TMEM51: variants seen among roughly 807,000 people sequenced by gnomAD.
TMEM51 encodes chromosome 1 open reading frame 72.
A neutral mutation model predicts 13.6 loss-of-function variants in TMEM51; 8 were observed. The ratio of observed to expected loss-of-function variants is 0.59; its 90% CI spans 0.35 to 1.07. The LOEUF is 1.07. Among genes scored for constraint, TMEM51 ranks in the 50% least tolerant of loss-of-function variants. TMEM51 has a pLI of 0.02. For missense variants in TMEM51, 279 were observed against 330.7 expected (o/e 0.84, Z 1.21); for synonymous variants, 147 against 144.4 (o/e 1.02, Z -0.13).
At chr1:15,203,404 G>C (rs541986704) in intron 1 of TMEM51, among the ~76,000 whole-genome samples, 85 of 151,188 alleles carry the variant, frequency 5.6e-4, no homozygotes, top group African/African-American at 2.0e-3. Flanking sequence ...ACAGGCGTGC[G>C]CCACCCCTCC....
intron 1 of TMEM51, among the ~76,000 whole-genome samples, chr1:15,157,918 G>A (rs1264243318): frequency 6.6e-6 from 1 of 152,136 alleles, no homozygotes; most frequent in East Asian, 1.9e-4. Context: ...TTTTATTCAG[G>A]TTTTTGTTTG....
In TMEM51 at chr1:15,161,704, C is replaced by A. The variant is rs1002102857; in HGVS notation, c.-267+7750C>A. ...CGGTAATCCCAGCACTTTGGGAAACCGAGGCAGGCAGATCACGAGATCGAG... is the reference window on the plus strand; with the variant it reads ...CGGTAATCCCAGCACTTTGGGAAACAGAGGCAGGCAGATCACGAGATCGAG... On this transcript the variant is annotated intron_variant, in intron 1 of 3. Transcript: ENST00000376008. The surrounding 1 kb of genome is among the most constrained non-coding windows in gnomAD (Gnocchi z 4.0). Among the ~76,000 whole-genome samples, 1 of 151,766 alleles carries A rather than the reference C, an allele frequency of 6.6e-6. No homozygotes were observed. The highest frequency in any genetic ancestry group is 6.6e-5 in the Admixed American group (1 of 15,254).
At chr1:15,162,046 GAGA>G (rs79352633) in intron 1 of TMEM51, among the ~76,000 whole-genome samples, 32,638 of 151,924 alleles carry the variant, frequency 0.21, 3,692 homozygotes, top group East Asian at 0.31. Context: ...GAGAAGAGGA[GAGA>G]AGGAGTGGGG....
chr1:15,204,727 T>G (rs906263360), intron 1 of TMEM51, among the ~76,000 whole-genome samples: 2 of 152,096 alleles, frequency 1.3e-5, no homozygotes, highest in Non-Finnish European at 2.9e-5. Flanking sequence ...TGGACAGAGG[T>G]GGGGATGACA....
Position 15,161,195 on chromosome 1 carries a change from A to G in TMEM51, c.-267+7241A>G, listed in dbSNP as rs772009030. ...AAGGCAGAGGTGGAAAAAGTATTTT[A>G]TATAGTTTCTTCTTAAAAGTCATTT... On this transcript the variant is annotated intron_variant, in intron 1 of 3. Transcript: ENST00000376008. This position sits in a 1 kb window ranked among gnomAD's most constrained non-coding sequence, Gnocchi z 4.0. Among the ~76,000 whole-genome samples the G allele has an allele frequency of 2.4e-4, 36 of 152,064 alleles. No homozygotes were observed. The highest frequency in any genetic ancestry group is 4.6e-4 in the Non-Finnish European group (31 of 68,032).
chr1:15,186,979 T>A (rs1643797952), intron 1 of TMEM51, among the ~76,000 whole-genome samples: 1 of 152,120 alleles, frequency 6.6e-6, no homozygotes, highest in Non-Finnish European at 1.5e-5. Flanking sequence ...GAATGCGAGG[T>A]GGCCAGCATG....
chr1:15,181,456 T>G (rs4661594), intron 1 of TMEM51, among the ~76,000 whole-genome samples: 65,993 of 152,050 alleles, frequency 0.43, 15,253 homozygotes, highest in East Asian at 0.87. Context: ...CCAGGGACTC[T>G]TAAGCGCTCA....
chr1:15,209,920 A>C (rs895900108), intron 1 of TMEM51, among the ~76,000 whole-genome samples: 10 of 152,122 alleles, frequency 6.6e-5, no homozygotes, highest in African/African-American at 2.4e-4. Context: ...AGTCCCAGCT[A>C]CTTGGGAAGC....
chr1:15,167,573 G>A (rs1472302650), intron 1 of TMEM51, among the ~76,000 whole-genome samples: 1 of 152,120 alleles, frequency 6.6e-6, no homozygotes, highest in East Asian at 1.9e-4. Context: ...TATTGGGTTT[G>A]TATGTGAGTG....
At chr1:15,208,762 A>AC (rs1472198513) in intron 1 of TMEM51, among the ~76,000 whole-genome samples, 3 of 152,058 alleles carry the variant, frequency 2.0e-5, no homozygotes, top group African/African-American at 7.2e-5. Context: ...CAGAAAGGAA[A>AC]CCACTGAGGG....
At chr1:15,181,454 T>C (rs192211655) in intron 1 of TMEM51, among the ~76,000 whole-genome samples, 3 of 152,316 alleles carry the variant, frequency 2.0e-5, no homozygotes, top group Admixed American at 2.0e-4. Flanking sequence ...ATCCAGGGAC[T>C]CTTAAGCGCT....
At chr1:15,215,957 A>G (rs1232681318) in intron 3 of TMEM51, among the ~76,000 whole-genome samples, 1 of 151,992 alleles carries the variant, frequency 6.6e-6, no homozygotes, top group East Asian at 1.9e-4. Flanking sequence ...AACCCAGGGG[A>G]GTGGAGATTG....
chr1:15,156,463 T>C (rs1274859482), intron 1 of TMEM51, among the ~76,000 whole-genome samples: 3 of 152,206 alleles, frequency 2.0e-5, no homozygotes, highest in Non-Finnish European at 2.9e-5. Context: ...GTGGGAGTCA[T>C]GCAAAAGAGA....
At chr1:15,154,695 C>T (rs1642526963) in intron 1 of TMEM51, among the ~76,000 whole-genome samples, 1 of 152,212 alleles carries the variant, frequency 6.6e-6, no homozygotes, top group African/African-American at 2.4e-5. Context: ...GTCTGCATTA[C>T]AGGATAATGG....
At chr1:15,172,046 A>G (rs1431400994) in intron 1 of TMEM51, among the ~76,000 whole-genome samples, 1 of 152,096 alleles carries the variant, frequency 6.6e-6, no homozygotes, top group Non-Finnish European at 1.5e-5. Flanking sequence ...TGATTAACAT[A>G]CCCAGCCACG....
At chr1:15,177,083 A>G (rs1182702119) in intron 1 of TMEM51, among the ~76,000 whole-genome samples, 1 of 152,096 alleles carries the variant, frequency 6.6e-6, no homozygotes, top group Non-Finnish European at 1.5e-5. Flanking sequence ...GGATTGTGGC[A>G]AAGTGGGGTG....
chr1:15,179,011 G>C (rs1488839095), intron 1 of TMEM51, among the ~76,000 whole-genome samples: 1 of 152,160 alleles, frequency 6.6e-6, no homozygotes, highest in Non-Finnish European at 1.5e-5. Context: ...AAATCAAAAT[G>C]TGGAATGACT....
intron 3 of TMEM51, among the ~76,000 whole-genome samples, chr1:15,218,672 C>G (rs72874076): frequency 2.0e-5 from 3 of 152,112 alleles, no homozygotes; most frequent in Non-Finnish European, 4.4e-5. Context: ...CAAACGGGAA[C>G]GAGGGTGATC....
chr1:15,153,930 CGGAG>C lies in TMEM51; in HGVS notation c.-290_-287del, dbSNP rs1642489350. The C allele has an allele frequency of 6.6e-6, 1 of 152,128 alleles. No individual in the cohort carries two copies. Among genetic ancestry groups the C allele is most frequent in the Non-Finnish European group, 1.5e-5 (1 of 68,086 alleles). 9.4% of individuals were successfully genotyped at this position (152,128 alleles called of 1,614,324 possible). The stretch of plus-strand genomic sequence containing the variant: ...GCAGTCCCGGACCGCCCAGCCGAGA[CGGAG>C]CCGGACCCGCCGCCTCCCGGGTGAG... On this transcript the variant is annotated 5_prime_UTR_variant, in exon 1 of 4. Transcript: ENST00000376008.
Sources: allele counts gnomAD v4.1 joint callset (sites outside exome capture counted in the v4.1 genomes callset), GRCh38; gene constraint gnomAD v4.1.1; non-coding constraint Gnocchi (gnomAD v3.1); transcripts MANE v1.5; gene names NCBI Gene and HGNC (gene_info 2026-07-23, HGNC 2026-07-21).